The following TM9SF3 variants were observed in gnomAD, a reference collection of about 807,000 sequenced individuals.
The protein encoded by TM9SF3 is transmembrane 9 superfamily member 3.
Under a neutral mutation model 78.6 loss-of-function variants are expected in TM9SF3, and 14 were observed. That is an observed-to-expected ratio of 0.18 (90% CI 0.12 to 0.28). The LOEUF is 0.28. Among genes scored for constraint, TM9SF3 ranks in the 10% least tolerant of loss-of-function variants. The pLI is 1.00. For synonymous variants in TM9SF3, 231 were observed against 241.7 expected (o/e 0.96, Z 0.41); for missense variants, 496 against 721.9 (o/e 0.69, Z 3.59).
chr10:96,535,218 C>T (rs1309764275), intron 9 of TM9SF3, among the ~76,000 whole-genome samples: 2 of 152,112 alleles, frequency 1.3e-5, no homozygotes, highest in African/African-American at 4.8e-5. Flanking sequence ...AAAATGTGAG[C>T]AGTTTGTTAG....
At chr10:96,563,697 G>A (rs1337265013) in intron 3 of TM9SF3, among the ~76,000 whole-genome samples, 2 of 152,118 alleles carry the variant, frequency 1.3e-5, no homozygotes, top group African/African-American at 4.8e-5. Context: ...TTTCATTAAG[G>A]TTTATTTACC....
intron 9 of TM9SF3, among the ~76,000 whole-genome samples, chr10:96,541,107 T>G (rs894002034): frequency 6.6e-6 from 1 of 152,114 alleles, no homozygotes; most frequent in African/African-American, 2.4e-5. Flanking sequence ...TTAGTTCCCA[T>G]GCTAACCTGC....
At chr10:96,537,348 G>A (rs1847970998) in intron 9 of TM9SF3, among the ~76,000 whole-genome samples, 1 of 152,202 alleles carries the variant, frequency 6.6e-6, no homozygotes, top group Admixed American at 6.5e-5. Context: ...ATGCTGTACA[G>A]GTCTGTAGCC....
chr10:96,548,478 T>G (rs574795700), intron 7 of TM9SF3, among the ~76,000 whole-genome samples: 1 of 152,288 alleles, frequency 6.6e-6, no homozygotes, highest in South Asian at 2.1e-4. Flanking sequence ...ACACTGAGGC[T>G]TTCCCTGTTT....
At chr10:96,570,446 T>C (rs953800490) in intron 2 of TM9SF3, among the ~76,000 whole-genome samples, 2 of 152,184 alleles carry the variant, frequency 1.3e-5, no homozygotes, top group Admixed American at 6.5e-5. Context: ...GCATATATAT[T>C]CCTTTAAAAA....
chr10:96,519,706 T>A lies in TM9SF3; in HGVS notation c.*2557A>T, dbSNP rs1316250929. 5 of 151,910 alleles carry A rather than the reference T, an allele frequency of 3.3e-5. No individual in the cohort carries two copies. The highest frequency in any genetic ancestry group is 4.4e-5 in the Non-Finnish European group (3 of 67,854). The allele number at this position is 151,910 out of a possible 1,614,324, so 9.4% of individuals were successfully genotyped here. A position where few individuals can be genotyped will look rare whatever the true frequency, so the allele number is the denominator to read the frequency against. On this transcript the variant is annotated 3_prime_UTR_variant, in exon 15 of 15. Transcript: ENST00000371142. The stretch of plus-strand genomic sequence containing the variant: ...CTCACCTTTCAATTAACTTGAATAA[T>A]GTTCTATTTTCTATTCTACAACTGA...
intron 5 of TM9SF3, among the ~76,000 whole-genome samples, chr10:96,553,511 C>T (rs995650172): frequency 1.3e-5 from 2 of 152,088 alleles, no homozygotes; most frequent in Non-Finnish European, 2.9e-5. Context: ...AGTATGGCAC[C>T]TTAGATACTC....
At chr10:96,525,595 T>C (rs1318604143) in intron 14 of TM9SF3, among the ~76,000 whole-genome samples, 3 of 152,054 alleles carry the variant, frequency 2.0e-5, no homozygotes, top group East Asian at 3.9e-4. Flanking sequence ...ATCTTATATA[T>C]ATCTTATATA....
intron 1 of TM9SF3, among the ~76,000 whole-genome samples, chr10:96,580,618 C>T (rs1004365087): frequency 1.3e-5 from 2 of 152,092 alleles, no homozygotes; most frequent in African/African-American, 2.4e-5. Context: ...CTCCTTTTCT[C>T]CACTTAGCCA....
chr10:96,549,845 G>A (rs566549944), intron 7 of TM9SF3, among the ~76,000 whole-genome samples: 9 of 140,178 alleles, frequency 6.4e-5, no homozygotes, highest in South Asian at 2.4e-4. Context: ...AAGAGCTGCC[G>A]AATTGTAACA....
chr10:96,534,958 T>G (rs1240241446), intron 9 of TM9SF3, among the ~76,000 whole-genome samples: 3 of 152,154 alleles, frequency 2.0e-5, no homozygotes, highest in Non-Finnish European at 2.9e-5. Flanking sequence ...GGTCTTTTAT[T>G]CTATCTCCTT....
intron 2 of TM9SF3, among the ~76,000 whole-genome samples, chr10:96,570,463 AAGAGATGCCCAT>A (rs774468365): frequency 1.3e-5 from 2 of 152,200 alleles, no homozygotes; most frequent in Non-Finnish European, 2.9e-5. Flanking sequence ...AAAAACAAAA[AAGAGATGCCCAT>A]ATTTATCAAA....
intron 10 of TM9SF3, 127 bp from the exon 11 acceptor site, chr10:96,530,735 A>T: frequency 1.2e-6 from 1 of 814,602 alleles, no homozygotes. Context: ...AACCAGTAAA[A>T]TGAAAAGCCA....
At chr10:96,552,877 T>C in intron 6 of TM9SF3, 51 bp downstream of exon 6, 1 of 1,432,362 alleles carries the variant, frequency 7.0e-7, no homozygotes, top group East Asian at 2.6e-5. Flanking sequence ...CATTTAAAAC[T>C]TAACACTCAG....
In TM9SF3 at chr10:96,559,699, C is replaced by T; in HGVS notation, c.620G>A (p.Arg207Gln). 6.3e-7 allele frequency: 1 copy of T among 1,594,010 alleles called. No homozygotes were observed. Among genetic ancestry groups the T allele is most frequent in the Non-Finnish European group, 8.6e-7 (1 of 1,167,934 alleles). ...WKKSDVKFED[R>Q]FDKYLDPSFF... ...GGACGGATCAAGATATTTGTCAAAT[C>T]GATCTTCAAATTTCACATCTGACTT... The change falls in exon 5 of 15, where the codon CGA (arginine) becomes CAA (glutamine). Residue 207 changes from arginine to glutamine, a missense_variant. This residue lies in a region of TM9SF3 where 155 missense variants were observed against 241.6 expected (regional missense o/e 0.64). Coordinates refer to ENST00000371142, the MANE Select transcript of TM9SF3 (RefSeq NM_020123.4).
rs903637634 is a variant in TM9SF3 at position 96,576,621 on chromosome 10, A to C, written c.298+13T>G. On this transcript the variant is annotated intron_variant, in intron 2 of 14. Coordinates refer to ENST00000371142, the MANE Select transcript of TM9SF3 (RefSeq NM_020123.4). ...TCCAAATTGCATTGTAAGGACTATT[A>C]AGGTTTACTTACCTTTAAATTTAAT... 1 of 1,570,478 alleles carries C rather than the reference A, an allele frequency of 6.4e-7. No individual in the cohort carries two copies. Among genetic ancestry groups the C allele is most frequent in the Non-Finnish European group, 8.6e-7 (1 of 1,163,854 alleles).
Position 96,527,489 on chromosome 10 carries a change from T to C in TM9SF3, c.1549A>G (p.Thr517Ala). ...GTTGATGCAGCAGAGAGAAAACTTG[T>C]CCATTGCCTGGTGGGGGGAGGGGGA... ...LNAEDYRWQW[T>A]SFLSAASTAI... Residue 517 changes from threonine (T) to alanine (A), a missense_variant, in exon 13 of 15, where the codon ACA (threonine) becomes GCA (alanine). Physicochemically the swap from Thr to Ala is moderately conservative, Grantham distance 58. Transcript: ENST00000371142. 6.2e-7 allele frequency: 1 copy of C among 1,609,332 alleles called. No individual in the cohort carries two copies.
At position 96,586,876 on chromosome 10, in the gene TM9SF3, T is replaced by G. The variant is rs1848639807; in HGVS notation, c.-41A>C. 3.0e-6 allele frequency: 3 copies of G among 1,012,018 alleles called. No individual in the cohort carries two copies. The highest frequency in any genetic ancestry group is 5.0e-5 in the Admixed American group (1 of 20,146). The allele number at this position is 1,012,018 out of a possible 1,614,324, so 62.7% of individuals were successfully genotyped here. On this transcript the variant is annotated 5_prime_UTR_variant, in exon 1 of 15. Coordinates refer to ENST00000371142, the MANE Select transcript of TM9SF3 (RefSeq NM_020123.4). ...GGCCCGGAGCCGGCTCACCGACTCC[T>G]CCTCCCGCCGCCGCCTCCTCCGCCG... is the stretch of plus-strand genomic sequence containing the variant.
intron 12 of TM9SF3, among the ~76,000 whole-genome samples, chr10:96,527,715 G>A (rs1847854285): frequency 6.6e-6 from 1 of 152,034 alleles, no homozygotes; most frequent in Non-Finnish European, 1.5e-5. Flanking sequence ...TATTACCAGT[G>A]ACCATAAATA....
Sources: allele counts gnomAD v4.1 joint callset (sites outside exome capture counted in the v4.1 genomes callset), GRCh38; gene constraint gnomAD v4.1.1; regional missense constraint gnomAD v4.1.1; transcripts MANE v1.5; gene names NCBI Gene and HGNC (gene_info 2026-07-23, HGNC 2026-07-21).